LMCD1: variants seen among roughly 807,000 people sequenced by gnomAD.
LMCD1 encodes LIM and cysteine rich domains 1, also known as LIM and cysteine-rich domains protein 1.
Under a neutral mutation model 42.7 loss-of-function variants are expected in LMCD1, and 32 were observed. The observed-to-expected ratio is 0.75, with a 90% CI of 0.57 to 1.01. The LOEUF is 1.01. Ranked by LOEUF, LMCD1 falls within the 50% of genes least tolerant of loss-of-function variation. LMCD1 has a pLI of 0.00. For synonymous variants in LMCD1, 178 were observed against 184.9 expected (o/e 0.96, Z 0.30); for missense variants, 458 against 483.1 (o/e 0.95, Z 0.49).
At chr3:8,546,194 A>G (rs950943239) in intron 3 of LMCD1, among the ~76,000 whole-genome samples, 6 of 152,222 alleles carry the variant, frequency 3.9e-5, no homozygotes, top group Non-Finnish European at 8.8e-5. Context: ...AGGAGTGTCC[A>G]ATCTTTTGGC....
At chr3:8,541,072 A>C (rs948351677) in intron 3 of LMCD1, among the ~76,000 whole-genome samples, 2 of 152,132 alleles carry the variant, frequency 1.3e-5, no homozygotes, top group Admixed American at 6.5e-5. Context: ...GGAAGAGAAG[A>C]ATCAGAACAG....
At position 8,567,607 on chromosome 3, in the gene LMCD1, C is replaced by T; in HGVS notation, c.*9C>T. 1 of 1,608,830 alleles carries T rather than the reference C, an allele frequency of 6.2e-7. No individual in the cohort carries two copies. The highest frequency in any genetic ancestry group is 1.3e-5 in the African/African-American group (1 of 74,678). On this transcript the variant is annotated 3_prime_UTR_variant, in exon 6 of 6. Coordinates refer to ENST00000157600, the MANE Select transcript of LMCD1 (RefSeq NM_014583.4). ...AGTCCAAACGCTCCTGAAGGGCTGC[C>T]CACCCACAGCCAGAATCCACAGGAT...
chr3:8,558,086 ACTGCCTT>A (rs1694959784), intron 4 of LMCD1, among the ~76,000 whole-genome samples: 8 of 152,160 alleles, frequency 5.3e-5, no homozygotes, highest in Admixed American at 5.2e-4. Flanking sequence ...AGGGGAAAAC[ACTGCCTT>A]TATTACTACC....
intron 1 of LMCD1, among the ~76,000 whole-genome samples, chr3:8,529,310 G>A (rs943112607): frequency 7.9e-5 from 12 of 152,164 alleles, no homozygotes; most frequent in African/African-American, 2.9e-4. Flanking sequence ...TGCAAGTGTG[G>A]CCTGATGACC....
At chr3:8,561,116 T>G (rs1477181156) in intron 4 of LMCD1, among the ~76,000 whole-genome samples, 1 of 152,246 alleles carries the variant, frequency 6.6e-6, no homozygotes, top group Non-Finnish European at 1.5e-5. Context: ...CAAACTCTTA[T>G]GTGCTTCCCT....
chr3:8,565,669 G>A (rs1462415982), intron 5 of LMCD1, 22 bp downstream of exon 5: 1 of 1,563,292 alleles, frequency 6.4e-7, no homozygotes, highest in Admixed American at 1.9e-5. Flanking sequence ...CCGCGAGATG[G>A]GTTAGGGGGC....
At chr3:8,532,884 G>A in intron 2 of LMCD1, 59 bp downstream of exon 2, 1 of 1,407,438 alleles carries the variant, frequency 7.1e-7, no homozygotes, top group South Asian at 1.2e-5. Context: ...GTCCTCTCGG[G>A]GAACCCTGGT....
rs1694757815 is a variant in LMCD1, at chr3:8,547,452, G to T, written c.388-1116G>T. 2.0e-5 allele frequency among the ~76,000 whole-genome samples: 3 copies of T among 152,222 alleles called. No homozygotes were observed. In the South Asian group the frequency reaches 6.2e-4, roughly 32 times the overall value. ...TGTCTGGAACGATAAACACAAAGTT[G>T]TTGGCAAGCTGTTACCATGAGCCAA... On this transcript the variant is annotated intron_variant, in intron 3 of 5. Transcript: ENST00000157600.
At chr3:8,550,187 CG>C (rs1694816095) in intron 4 of LMCD1, 2 of 1,265,410 alleles carry the variant, frequency 1.6e-6, no homozygotes, top group East Asian at 4.0e-5. Context: ...CCACAGAAGG[CG>C]AAAGGAATGC....
chr3:8,539,442 T>C (rs1027224903), intron 3 of LMCD1, among the ~76,000 whole-genome samples: 2 of 152,106 alleles, frequency 1.3e-5, no homozygotes, highest in African/African-American at 4.8e-5. Flanking sequence ...CCACAGAGTG[T>C]GGCCACAGAA....
chr3:8,565,294 C>T, intron 4 of LMCD1, 138 bp from the exon 5 acceptor site: 1 of 709,706 alleles, frequency 1.4e-6, no homozygotes, highest in South Asian at 1.7e-5. Context: ...TTGCAGATGA[C>T]AAAACTGAGG....
chr3:8,561,388 T>TG (rs1212854903), intron 4 of LMCD1, among the ~76,000 whole-genome samples: 2 of 152,100 alleles, frequency 1.3e-5, no homozygotes, highest in Non-Finnish European at 2.9e-5. Context: ...AGAGTTTTTT[T>TG]TTTTTTTTTT....
chr3:8,509,013 AAGT>A (rs1245935130), intron 1 of LMCD1, among the ~76,000 whole-genome samples: 3 of 152,224 alleles, frequency 2.0e-5, no homozygotes, highest in African/African-American at 7.2e-5. Context: ...AAACTTCGCC[AAGT>A]TACTGATCCT....
At chr3:8,506,446 G>T (rs1180986351) in intron 1 of LMCD1, among the ~76,000 whole-genome samples, 1 of 152,180 alleles carries the variant, frequency 6.6e-6, no homozygotes, top group African/African-American at 2.4e-5. Context: ...GCTGCACACA[G>T]GCTTTTGTGT....
intron 3 of LMCD1, among the ~76,000 whole-genome samples, chr3:8,542,996 C>T (rs1403837826): frequency 6.6e-6 from 1 of 152,200 alleles, no homozygotes; most frequent in Non-Finnish European, 1.5e-5. Flanking sequence ...CAATTACTCT[C>T]CCATGAGCCG....
chr3:8,564,328 G>A (rs191032692), intron 4 of LMCD1, among the ~76,000 whole-genome samples: 17 of 152,152 alleles, frequency 1.1e-4, no homozygotes, highest in African/African-American at 2.9e-4. Context: ...GCAGTGGCAC[G>A]ATCATAGCTC....
At chr3:8,544,781 AG>A (rs1694702198) in intron 3 of LMCD1, among the ~76,000 whole-genome samples, 1 of 152,196 alleles carries the variant, frequency 6.6e-6, no homozygotes, top group South Asian at 2.1e-4. Flanking sequence ...GATGGGTTCT[AG>A]GAGGATGAAC....
intron 1 of LMCD1, among the ~76,000 whole-genome samples, chr3:8,514,694 A>T (rs114054142): frequency 0.015 from 2,214 of 152,350 alleles, 57 homozygotes; most frequent in African/African-American, 0.05. Flanking sequence ...AAAATCTAAT[A>T]TATGTAACAA....
At chr3:8,545,922 G>C (rs942508722) in intron 3 of LMCD1, among the ~76,000 whole-genome samples, 1 of 152,170 alleles carries the variant, frequency 6.6e-6, no homozygotes, top group African/African-American at 2.4e-5. Context: ...GAGGTCAGAA[G>C]TTCAAGACCA....
Sources: gnomAD v4.1 joint callset for allele counts (sites outside exome capture counted in the v4.1 genomes callset) on GRCh38, gnomAD v4.1.1 for gene constraint, MANE v1.5 for transcripts, NCBI Gene and HGNC (gene_info 2026-07-23, HGNC 2026-07-21) for gene names.